Variants in TENM2 observed in about 807,000 individuals in gnomAD.
The protein encoded by TENM2 is teneurin transmembrane protein 2, also known as teneurin-2.
In TENM2, 52 loss-of-function variants were observed where a neutral mutation model predicts 245.2. The observed-to-expected ratio is 0.21, with a 90% CI of 0.17 to 0.27. The LOEUF (loss-of-function observed/expected upper bound fraction) is 0.27, where lower values mean the gene tolerates loss of function less well. Ranked by LOEUF, TENM2 falls within the 10% of genes least tolerant of loss-of-function variation. The pLI is 1.00. For synonymous variants in TENM2, 1,363 were observed against 1,438.9 expected, an observed-to-expected ratio of 0.95 and a Z score of 1.19; for missense variants, 3,046 against 3,666.8, an observed-to-expected ratio of 0.83 and a Z score of 4.37.
At chr5:167,574,440 A>G (rs1037044890) in intron 2 of TENM2, among the ~76,000 whole-genome samples, 2 of 152,178 alleles carry the variant, frequency 1.3e-5, no homozygotes, top group Non-Finnish European at 1.5e-5. Context: ...CTGATGTGTT[A>G]TAATAATTTT....
intron 2 of TENM2, among the ~76,000 whole-genome samples, chr5:167,789,347 G>C (rs1458120452): frequency 2.0e-5 from 3 of 152,188 alleles, no homozygotes; most frequent in Non-Finnish European, 4.4e-5. Context: ...ACTAGTCGTA[G>C]GTCAGTGGCT....
chr5:167,859,368 G>C (rs1342400104), intron 2 of TENM2, among the ~76,000 whole-genome samples: 2 of 147,442 alleles, frequency 1.4e-5, no homozygotes, highest in African/African-American at 5.0e-5. Flanking sequence ...CACCCCGTCC[G>C]GGAGGGAGGT....
At chr5:167,106,124 G>A in the TENM2 span, among the ~76,000 whole-genome samples, 2 of 151,964 alleles carry the variant, frequency 1.3e-5, no homozygotes, top group Non-Finnish European at 2.9e-5. Context: ...TGCCTATAAA[G>A]CTCTTGGCTC....
chr5:167,834,438 C>G (rs1345829534), intron 2 of TENM2, among the ~76,000 whole-genome samples: 1 of 152,170 alleles, frequency 6.6e-6, no homozygotes, highest in East Asian at 1.9e-4. Flanking sequence ...GAAGTCTTCA[C>G]TGCTGTAAGT....
chr5:167,408,984 A>G (rs1370001206), intron 2 of TENM2, among the ~76,000 whole-genome samples: 2 of 151,242 alleles, frequency 1.3e-5, no homozygotes, highest in Non-Finnish European at 3.0e-5. Context: ...ACAATTTTTG[A>G]AATGCAAATA....
At chr5:167,309,900 G>A (rs1755918598) in intron 1 of TENM2, 2 of 152,438 alleles carry the variant, frequency 1.3e-5, no homozygotes, top group East Asian at 1.9e-4. Flanking sequence ...GCGAGTCAGA[G>A]TTGAGTTTGC....
At chr5:168,052,453 T>C (rs73377369) in intron 6 of TENM2, among the ~76,000 whole-genome samples, 22,687 of 151,586 alleles carry the variant, frequency 0.15, 1,767 homozygotes, top group East Asian at 0.23. Context: ...TATATATATA[T>C]ACACACACAC....
chr5:167,102,318 C>A, the TENM2 span, among the ~76,000 whole-genome samples: 1 of 152,138 alleles, frequency 6.6e-6, no homozygotes, highest in Non-Finnish European at 1.5e-5. Context: ...ACAAGAGATG[C>A]TACTAATACG....
the TENM2 span, among the ~76,000 whole-genome samples, chr5:167,242,002 G>A: frequency 2.8e-5 from 4 of 145,164 alleles, no homozygotes; most frequent in African/African-American, 7.6e-5. Flanking sequence ...TGCTTTGCTT[G>A]TTTTTTTTGT....
In TENM2 at chr5:168,244,822, T is replaced by G. The variant is rs1766407258; in HGVS notation, c.5817+106T>G. ...ACTTGCTCTGTTGCCCAGGCTGGAGTGCAGTGGCATGATCTCGGCTCACTG... is the reference window on the plus strand; with the variant it reads ...ACTTGCTCTGTTGCCCAGGCTGGAGGGCAGTGGCATGATCTCGGCTCACTG... On this transcript the variant is annotated intron_variant, in intron 26 of 28. Coordinates refer to ENST00000518659, the Ensembl canonical transcript of TENM2. This position sits in a 1 kb window ranked among gnomAD's most constrained non-coding sequence, Gnocchi z 4.9. 1 of 949,400 alleles carries G rather than the reference T, an allele frequency of 1.1e-6. No homozygotes were observed. Among genetic ancestry groups the G allele is most frequent in the Non-Finnish European group, 1.4e-6 (1 of 711,368 alleles). The allele number at this position is 949,400 out of a possible 1,614,324, so 58.8% of individuals were successfully genotyped here.
intron 3 of TENM2, among the ~76,000 whole-genome samples, chr5:167,921,190 G>A (rs2151636999): frequency 6.6e-6 from 1 of 152,324 alleles, no homozygotes; most frequent in Admixed American, 6.5e-5. Flanking sequence ...ATAAGCTCCA[G>A]TAAGCAGAGA....
intron 2 of TENM2, among the ~76,000 whole-genome samples, chr5:167,637,728 C>T (rs1779295004): frequency 2.6e-5 from 4 of 152,112 alleles, no homozygotes; most frequent in African/African-American, 7.2e-5. Flanking sequence ...AAACCAAACA[C>T]TGCATGTTCT....
intron 2 of TENM2, among the ~76,000 whole-genome samples, chr5:167,679,823 A>G (rs1051105935): frequency 5.3e-5 from 8 of 152,174 alleles, no homozygotes; most frequent in Non-Finnish European, 1.0e-4. Context: ...ACCTTCTTGC[A>G]ATGTTCACCT....
At chr5:167,905,221 A>G (rs1472253767) in intron 3 of TENM2, among the ~76,000 whole-genome samples, 1 of 152,222 alleles carries the variant, frequency 6.6e-6, no homozygotes, top group Admixed American at 6.5e-5. Flanking sequence ...ATTTCCCGAC[A>G]GTTCGGAATA....
intron 2 of TENM2, among the ~76,000 whole-genome samples, chr5:167,844,454 C>A (rs186174518): frequency 6.6e-6 from 1 of 152,282 alleles, no homozygotes; most frequent in Admixed American, 6.5e-5. Flanking sequence ...CTGCAGGAAC[C>A]TTGTCATTTA....
intron 27 of TENM2, among the ~76,000 whole-genome samples, chr5:168,253,886 G>A (rs1239759551): frequency 6.6e-6 from 1 of 152,208 alleles, no homozygotes; most frequent in Non-Finnish European, 1.5e-5. Flanking sequence ...CATTGCTTTA[G>A]CAAAGCCCCA....
At chr5:167,436,106 G>A (rs1447194121) in intron 2 of TENM2, among the ~76,000 whole-genome samples, 3 of 150,804 alleles carry the variant, frequency 2.0e-5, no homozygotes, top group Non-Finnish European at 4.4e-5. Flanking sequence ...AGCCTCCCGA[G>A]TAGCTGGGGT....
chr5:167,613,642 C>G (rs896050551), intron 2 of TENM2, among the ~76,000 whole-genome samples: 2 of 152,110 alleles, frequency 1.3e-5, no homozygotes, highest in East Asian at 3.9e-4. Flanking sequence ...TACATAAATC[C>G]AAGCCCCAGG....
the TENM2 span, among the ~76,000 whole-genome samples, chr5:167,117,754 G>T: frequency 6.6e-6 from 1 of 152,120 alleles, no homozygotes; most frequent in Non-Finnish European, 1.5e-5. Context: ...TGGGGGAGTA[G>T]CTCATGGCTT....
Sources: gnomAD v4.1 joint callset for allele counts (sites outside exome capture counted in the v4.1 genomes callset) on GRCh38, gnomAD v4.1.1 for gene constraint, Gnocchi (gnomAD v3.1) non-coding constraint, MANE v1.5 for transcripts, NCBI Gene and HGNC (gene_info 2026-07-23, HGNC 2026-07-21) for gene names.